Variants in ALOX5 observed in about 807,000 individuals in gnomAD.
ALOX5 encodes polyunsaturated fatty acid 5-lipoxygenase.
ALOX5 carries 64 observed loss-of-function variants against 87.9 expected under a neutral mutation model. The observed-to-expected ratio is 0.73, with a 90% CI of 0.60 to 0.90. The LOEUF is 0.90. Ranked by LOEUF, ALOX5 falls within the 40% of genes least tolerant of loss-of-function variation. ALOX5 has a pLI of 0.00. For synonymous variants in ALOX5, 388 were observed against 355.1 expected (o/e 1.09, Z -1.04); for missense variants, 822 against 907.5 (o/e 0.91, Z 1.21).
chr10:45,400,114 A>C (rs991832346), intron 3 of ALOX5, among the ~76,000 whole-genome samples: 2 of 152,184 alleles, frequency 1.3e-5, no homozygotes, highest in Non-Finnish European at 2.9e-5. Flanking sequence ...CTACAATATG[A>C]CCCAGCAATT....
chr10:45,443,611 G>A, intron 11 of ALOX5, 74 bp downstream of exon 11: 1 of 1,597,896 alleles, frequency 6.3e-7, no homozygotes. Flanking sequence ...CACCCCTCCG[G>A]GGTGTCCTGC....
At chr10:45,401,960 G>C (rs548611306) in intron 3 of ALOX5, among the ~76,000 whole-genome samples, 1 of 151,792 alleles carries the variant, frequency 6.6e-6, no homozygotes, top group Non-Finnish European at 1.5e-5. Context: ...GGTGGCGGGC[G>C]CCTGTAGTCC....
chr10:45,402,347 A>T (rs955027082), intron 3 of ALOX5, among the ~76,000 whole-genome samples: 5 of 152,114 alleles, frequency 3.3e-5, no homozygotes, highest in African/African-American at 1.2e-4. Context: ...TTCATCAAAA[A>T]CATTCCTTGA....
chr10:45,392,105 G>C (rs556243087), intron 2 of ALOX5, among the ~76,000 whole-genome samples: 1 of 151,490 alleles, frequency 6.6e-6, no homozygotes. Flanking sequence ...CCCCCCGCCC[G>C]GCCAGCTGCC....
Position 45,445,796 on chromosome 10 carries a change from C to A in ALOX5, c.*109C>A. 8.4e-7 allele frequency: 1 copy of A among 1,197,484 alleles called. No individual in the cohort carries two copies. Among genetic ancestry groups the A allele is most frequent in the Non-Finnish European group, 1.2e-6 (1 of 841,656 alleles). 74.2% of individuals were successfully genotyped at this position (1,197,484 alleles called of 1,614,324 possible). On this transcript the variant is annotated 3_prime_UTR_variant, in exon 14 of 14. Transcript: ENST00000374391. ...CTCTTGGCAGTCACATCTCTTCCTC[C>A]GAGGCCAGTACCTTTCCATTTATTC...
intron 3 of ALOX5, among the ~76,000 whole-genome samples, chr10:45,406,024 G>A (rs183729823): frequency 1.9e-4 from 29 of 152,262 alleles, no homozygotes; most frequent in African/African-American, 4.8e-4. Flanking sequence ...TGATACCCAC[G>A]GTACAAGCTG....
At chr10:45,386,078 G>C (rs1457230220) in intron 2 of ALOX5, among the ~76,000 whole-genome samples, 1 of 152,034 alleles carries the variant, frequency 6.6e-6, no homozygotes, top group African/African-American at 2.4e-5. Context: ...GAGGCGGGTG[G>C]ATCACAAGGT....
chr10:45,391,820 A>C (rs1293927906), intron 2 of ALOX5, among the ~76,000 whole-genome samples: 2 of 147,216 alleles, frequency 1.4e-5, no homozygotes, highest in African/African-American at 2.6e-5. Flanking sequence ...TCCGCCCGGC[A>C]GCCGCCCCAT....
At chr10:45,414,643 G>C (rs1464211753) in intron 4 of ALOX5, among the ~76,000 whole-genome samples, 2 of 152,076 alleles carry the variant, frequency 1.3e-5, no homozygotes, top group Non-Finnish European at 2.9e-5. Context: ...CCATCAGAGT[G>C]AACAGGCAAC....
chr10:45,441,752 G>A (rs193065674), intron 9 of ALOX5, among the ~76,000 whole-genome samples: 4 of 146,170 alleles, frequency 2.7e-5, no homozygotes, highest in Non-Finnish European at 6.0e-5. Context: ...GACCTCCTAC[G>A]CACCAGGAAC....
At chr10:45,376,633 CAAT>C (rs1406013667) in intron 1 of ALOX5, among the ~76,000 whole-genome samples, 2 of 152,166 alleles carry the variant, frequency 1.3e-5, no homozygotes, top group Non-Finnish European at 2.9e-5. Flanking sequence ...GTAACGATAA[CAAT>C]AACAATAAAG....
At chr10:45,428,972 CA>C (rs1327226540) in intron 7 of ALOX5, among the ~76,000 whole-genome samples, 37 of 152,208 alleles carry the variant, frequency 2.4e-4, no homozygotes, top group Non-Finnish European at 5.1e-4. Flanking sequence ...AGTCGAGGCA[CA>C]CTGTGGAGGA....
At chr10:45,374,982 C>T (rs1460016094) in intron 1 of ALOX5, among the ~76,000 whole-genome samples, 2 of 152,156 alleles carry the variant, frequency 1.3e-5, no homozygotes, top group African/African-American at 4.8e-5. Context: ...CTCACTCTAC[C>T]GTCTGTCTGG....
chr10:45,410,209 T>C (rs1841023771), intron 3 of ALOX5, among the ~76,000 whole-genome samples: 1 of 152,234 alleles, frequency 6.6e-6, no homozygotes, highest in Non-Finnish European at 1.5e-5. Context: ...TGACTAATGA[T>C]AGCTAATTAA....
At chr10:45,428,528 G>T (rs1010194356) in intron 6 of ALOX5, 90 bp from the exon 7 acceptor site, 25 of 1,501,512 alleles carry the variant, frequency 1.7e-5, no homozygotes, top group Non-Finnish European at 2.0e-5. Context: ...AAAGGGAGAG[G>T]GGTGCCCAGA....
At position 45,444,017 on chromosome 10, in the gene ALOX5, C is replaced by T; in HGVS notation, c.1675-99C>T. 13 of 1,449,420 alleles carry T rather than the reference C, an allele frequency of 9.0e-6. 1 individual carries two copies. The highest frequency in any genetic ancestry group is 5.0e-5 in the East Asian group (2 of 39,818). The allele number at this position is 1,449,420 out of a possible 1,614,324, so 89.8% of individuals were successfully genotyped here. On this transcript the variant is annotated intron_variant, in intron 12 of 13. Transcript: ENST00000374391. Reference sequence around the variant, plus strand: ...GAAAGAGGATGGACGGACTGCAGGGCCCGCTGGAGTTGGGGGGCACGGGGA... The same window carrying T: ...GAAAGAGGATGGACGGACTGCAGGGTCCGCTGGAGTTGGGGGGCACGGGGA...
At chr10:45,395,361 A>G (rs1840458725) in intron 2 of ALOX5, among the ~76,000 whole-genome samples, 1 of 152,198 alleles carries the variant, frequency 6.6e-6, no homozygotes, top group South Asian at 2.1e-4. Flanking sequence ...CAAGGACAAA[A>G]AAACAAACAC....
intron 3 of ALOX5, among the ~76,000 whole-genome samples, chr10:45,405,050 C>G (rs1028291154): frequency 1.3e-5 from 2 of 152,232 alleles, no homozygotes; most frequent in Non-Finnish European, 2.9e-5. Context: ...AGCCATTCCC[C>G]TATTCACTGA....
chr10:45,410,863 G>C (rs1841039439), intron 3 of ALOX5, among the ~76,000 whole-genome samples: 1 of 152,204 alleles, frequency 6.6e-6, no homozygotes, highest in South Asian at 2.1e-4. Flanking sequence ...CCACAGGAAA[G>C]AATTCAGGGT....
Sources: allele counts gnomAD v4.1 joint callset (sites outside exome capture counted in the v4.1 genomes callset), GRCh38; gene constraint gnomAD v4.1.1; transcripts MANE v1.5; gene names NCBI Gene and HGNC (gene_info 2026-07-23, HGNC 2026-07-21).